ZNRF1: variants seen among roughly 807,000 people sequenced by gnomAD.
ZNRF1 encodes the protein zinc and ring finger 1.
In ZNRF1, 3 loss-of-function variants were observed where a neutral mutation model predicts 18.4. The ratio of observed to expected loss-of-function variants is 0.16; its 90% confidence interval spans 0.07 to 0.42. The LOEUF (loss-of-function observed/expected upper bound fraction) is 0.42. Among genes scored for constraint, ZNRF1 ranks in the 10% least tolerant of loss-of-function variants. ZNRF1 has a pLI of 0.99. For synonymous variants in ZNRF1, 157 were observed against 144.2 expected (o/e 1.09, Z -0.64); for missense variants, 310 against 329.8 (o/e 0.94, Z 0.47).
intron 1 of ZNRF1, among the ~76,000 whole-genome samples, chr16:75,063,487 G>A (rs1263679668): frequency 6.6e-6 from 1 of 152,162 alleles, no homozygotes; most frequent in South Asian, 2.1e-4. Flanking sequence ...TGCATTCAGT[G>A]TTTGCCGTGG....
chr16:75,059,503 G>A (rs1253784843), intron 1 of ZNRF1, among the ~76,000 whole-genome samples: 1 of 151,966 alleles, frequency 6.6e-6, no homozygotes, highest in Non-Finnish European at 1.5e-5. Flanking sequence ...AATGAATTCA[G>A]ATAAAGCATG....
At chr16:75,096,900 G>C (rs1421921347) in intron 2 of ZNRF1, among the ~76,000 whole-genome samples, 1 of 152,170 alleles carries the variant, frequency 6.6e-6, no homozygotes, top group African/African-American at 2.4e-5. Context: ...GGTTCAGCTA[G>C]TGCCTGGTGC....
intron 1 of ZNRF1, among the ~76,000 whole-genome samples, chr16:75,049,493 G>A (rs996540402): frequency 2.0e-5 from 3 of 152,036 alleles, no homozygotes; most frequent in East Asian, 1.9e-4. Context: ...CACCTGGATA[G>A]TTTTTAAAAA....
chr16:75,040,042 C>CTTTTTTTTTTTTT lies in ZNRF1; in HGVS notation c.424+39961_424+39973dup, dbSNP rs57122648. ...AATCTTTTGTTTCTTTCTTTTCTTT[C>CTTTTTTTTTTTTT]TTTTTTTTTTTTTTTTTTTTTTTTT... On this transcript the variant is annotated intron_variant, in intron 1 of 4. Transcript: ENST00000335325. Among the ~76,000 whole-genome samples the CTTTTTTTTTTTTT allele has an allele frequency of 1.2e-3, 95 of 78,862 alleles. 4 individuals carry two copies. Among genetic ancestry groups the CTTTTTTTTTTTTT allele is most frequent in the African/African-American group, 3.9e-3 (70 of 18,138 alleles). 51.7% of individuals were successfully genotyped at this position (78,862 alleles called of 152,430 possible).
intron 1 of ZNRF1, among the ~76,000 whole-genome samples, chr16:75,037,444 T>G (rs1332205668): frequency 6.6e-6 from 1 of 152,110 alleles, no homozygotes; most frequent in Non-Finnish European, 1.5e-5. Context: ...TTCAAGCGAT[T>G]ATCATGCCTC....
chr16:75,090,622 A>G (rs900350728), intron 1 of ZNRF1, among the ~76,000 whole-genome samples: 2 of 152,136 alleles, frequency 1.3e-5, no homozygotes, highest in African/African-American at 4.8e-5. Flanking sequence ...AGCGTTTCCA[A>G]GACTTTTTAA....
At chr16:75,050,890 AAAAAAAAAC>A (rs1227184726) in intron 1 of ZNRF1, among the ~76,000 whole-genome samples, 2,326 of 25,054 alleles carry the variant, frequency 0.093, 473 homozygotes, top group African/African-American at 0.15. Context: ...AAAAAAAAAC[AAAAAAAAAC>A]AAAAAACTTG....
In ZNRF1 at chr16:75,066,610, C is replaced by A. The variant is rs540651997; in HGVS notation, c.425-26962C>A. ...CTCCACTTTCCGGGTTCAAGCAATT[C>A]TCCTGTCTCAGCCTCCTGAGTAGTT... On this transcript the variant is annotated intron_variant, in intron 1 of 4. Transcript: ENST00000335325. 2.0e-5 allele frequency among the ~76,000 whole-genome samples: 3 copies of A among 152,312 alleles called. 1 individual carries two copies. In the East Asian group the frequency reaches 5.8e-4, roughly 29 times the overall value.
At chr16:75,023,776 C>A (rs2035185864) in intron 1 of ZNRF1, among the ~76,000 whole-genome samples, 1 of 152,012 alleles carries the variant, frequency 6.6e-6, no homozygotes, top group African/African-American at 2.4e-5. Flanking sequence ...GACCCCCAAC[C>A]TTTTTCTTTG....
intron 1 of ZNRF1, among the ~76,000 whole-genome samples, chr16:75,048,869 A>G (rs2035551573): frequency 6.6e-6 from 1 of 152,170 alleles, no homozygotes; most frequent in Non-Finnish European, 1.5e-5. Flanking sequence ...ACCTGTGGAT[A>G]ATCCTTACAT....
At chr16:75,104,627 T>G in intron 2 of ZNRF1, 157 bp from the exon 3 acceptor site, 2 of 581,340 alleles carry the variant, frequency 3.4e-6, no homozygotes, top group Non-Finnish European at 3.1e-6. Context: ...GTGAAAGTCT[T>G]AAGGTCAACG....
chr16:75,036,756 C>A (rs576385640), intron 1 of ZNRF1, among the ~76,000 whole-genome samples: 31 of 152,162 alleles, frequency 2.0e-4, no homozygotes, highest in African/African-American at 6.3e-4. Context: ...AAGATTTGTC[C>A]AGATTACACC....
chr16:75,087,476 C>T (rs1326100461), intron 1 of ZNRF1, among the ~76,000 whole-genome samples: 3 of 152,208 alleles, frequency 2.0e-5, no homozygotes, highest in African/African-American at 7.2e-5. Context: ...CAACTCTCTG[C>T]TCAGCTCTTC....
At position 75,093,667 on chromosome 16, in the gene ZNRF1, G is replaced by T; in HGVS notation, c.520G>T (p.Asp174Tyr). Residue 174 changes from aspartate (D) to tyrosine (Y), a missense_variant and splice_region_variant, in exon 2 of 5, where the codon GAT becomes TAT. This residue lies in a region of ZNRF1 where 293 missense variants were observed against 291.2 expected (regional missense o/e 1.01). Coordinates refer to ENST00000335325, the MANE Select transcript of ZNRF1 (RefSeq NM_032268.5). ...GAGCAAACCTCGCCTCTCCTACAAC[G>T]GTAAGGGCTTGGCCTGCCTCACCAG... ...CLSKPRLSYNDDVLTKDAGEC... is the reference protein window; with the variant it reads ...CLSKPRLSYNYDVLTKDAGEC... 6.2e-7 allele frequency: 1 copy of T among 1,613,246 alleles called. No individual in the cohort carries two copies. Among genetic ancestry groups the T allele is most frequent in the Non-Finnish European group, 8.5e-7 (1 of 1,179,298 alleles).
chr16:75,104,930 C>A, intron 3 of ZNRF1, 41 bp downstream of exon 3: 1 of 1,490,334 alleles, frequency 6.7e-7, no homozygotes, highest in Non-Finnish European at 9.2e-7. Context: ...ACCCCACCTC[C>A]CAGAGGGGCG....
At chr16:75,076,883 T>C (rs1303745250) in intron 1 of ZNRF1, among the ~76,000 whole-genome samples, 1 of 151,928 alleles carries the variant, frequency 6.6e-6, no homozygotes, top group Non-Finnish European at 1.5e-5. Context: ...CACAGCAAGA[T>C]GGTGGACCTT....
At chr16:75,081,998 G>A (rs142011984) in intron 1 of ZNRF1, among the ~76,000 whole-genome samples, 1 of 152,268 alleles carries the variant, frequency 6.6e-6, no homozygotes, top group African/African-American at 2.4e-5. Flanking sequence ...GACAGTAGTT[G>A]GGGACTTGAT....
intron 1 of ZNRF1, among the ~76,000 whole-genome samples, chr16:75,077,473 G>T (rs1188648538): frequency 1.3e-5 from 2 of 152,134 alleles, no homozygotes; most frequent in African/African-American, 2.4e-5. Flanking sequence ...CAGAGGTTGC[G>T]GTGAGCCAAG....
intron 1 of ZNRF1, among the ~76,000 whole-genome samples, chr16:75,023,958 C>T (rs1007529465): frequency 6.7e-6 from 1 of 149,080 alleles, no homozygotes; most frequent in African/African-American, 2.5e-5. Flanking sequence ...GCAATCTCCA[C>T]CTCCTGGGTT....
Sources: allele counts gnomAD v4.1 joint callset (sites outside exome capture counted in the v4.1 genomes callset), GRCh38; gene constraint gnomAD v4.1.1; regional missense constraint gnomAD v4.1.1; transcripts MANE v1.5; gene names NCBI Gene and HGNC (gene_info 2026-07-23, HGNC 2026-07-21).